POLN: variants seen among roughly 807,000 people sequenced by gnomAD.
POLN encodes the protein DNA polymerase nu, also known as DNA polymerase N.
In POLN, 108 loss-of-function variants were observed where a neutral mutation model predicts 113.5. The ratio of observed to expected loss-of-function variants is 0.95; its 90% CI spans 0.81 to 1.12. The LOEUF is 1.12. Among genes scored for constraint, POLN ranks in the 50% most tolerant of loss-of-function variants. The pLI, the probability that POLN is intolerant of heterozygous loss-of-function variation, is 0.00. For missense variants in POLN, 1,097 were observed against 1,077.1 expected, an observed-to-expected ratio of 1.02 and a Z score of -0.26; for synonymous variants, 386 against 391.5, an observed-to-expected ratio of 0.99 and a Z score of 0.17.
rs182565942 is a variant in POLN, at chr4:2,198,854, T to A, written c.715-137A>T. On this transcript the variant is annotated intron_variant, in intron 5 of 25. Transcript: ENST00000511885. ...AAATGAATAGTTTTTTAATGACAAT[T>A]GAGGGCCAAAAGCCAAACCCATGAC... is the stretch of plus-strand genomic sequence containing the variant. 3.2e-5 allele frequency: 29 copies of A among 896,030 alleles called. No individual in the cohort carries two copies. The East Asian group carries it at 7.6e-4, about 24-fold the overall frequency. The allele number at this position is 896,030 out of a possible 1,614,324, so 55.5% of individuals were successfully genotyped here.
intron 13 of POLN, among the ~76,000 whole-genome samples, chr4:2,165,289 C>A (rs998326214): frequency 3.3e-5 from 5 of 152,120 alleles, no homozygotes; most frequent in African/African-American, 1.2e-4. Context: ...ATGGAAGAAA[C>A]TTAAGTGCCT....
chr4:2,149,389 G>C (rs1212339809), intron 16 of POLN, among the ~76,000 whole-genome samples: 4 of 152,118 alleles, frequency 2.6e-5, no homozygotes, highest in Non-Finnish European at 5.9e-5. Flanking sequence ...ATCTACAAAA[G>C]CCAGGGGAAT....
chr4:2,195,016 T>C (rs1189269874), intron 6 of POLN, among the ~76,000 whole-genome samples: 1 of 152,150 alleles, frequency 6.6e-6, no homozygotes, highest in Non-Finnish European at 1.5e-5. Flanking sequence ...GAATAAGGTA[T>C]AACAAACGTA....
chr4:2,187,661 C>T (rs1258450968), intron 7 of POLN, among the ~76,000 whole-genome samples: 1 of 152,172 alleles, frequency 6.6e-6, no homozygotes, highest in Non-Finnish European at 1.5e-5. Context: ...TTACACTACA[C>T]ATATAATAAA....
intron 13 of POLN, among the ~76,000 whole-genome samples, chr4:2,164,501 CA>C (rs35463696): frequency 0.064 from 5,269 of 81,808 alleles, 224 homozygotes; most frequent in African/African-American, 0.16. Context: ...AACTCTGTCT[CA>C]AAAAAAAAAA....
At chr4:2,222,189 C>CA (rs1734275217) in intron 3 of POLN, among the ~76,000 whole-genome samples, 2 of 151,942 alleles carry the variant, frequency 1.3e-5, no homozygotes, top group African/African-American at 4.8e-5. Flanking sequence ...GTATTTCAAT[C>CA]AAGATTTAAA....
At chr4:2,125,230 G>A (rs1053207401) in intron 19 of POLN, among the ~76,000 whole-genome samples, 1 of 152,216 alleles carries the variant, frequency 6.6e-6, no homozygotes, top group Non-Finnish European at 1.5e-5. Flanking sequence ...TAGACATGTG[G>A]CGACTCCTGG....
chr4:2,218,692 G>T (rs1192184471), intron 3 of POLN, among the ~76,000 whole-genome samples: 1 of 152,140 alleles, frequency 6.6e-6, no homozygotes, highest in East Asian at 1.9e-4. Context: ...AATTTATATT[G>T]TCCATTCAGA....
chr4:2,236,771 G>C (rs1461658697), intron 2 of POLN, among the ~76,000 whole-genome samples: 2 of 151,868 alleles, frequency 1.3e-5, no homozygotes, highest in Admixed American at 1.3e-4. Context: ...GCTGAGGCAG[G>C]AGGATTGCTT....
intron 12 of POLN, 101 bp from the exon 13 acceptor site, chr4:2,170,875 C>A: frequency 9.2e-7 from 1 of 1,087,838 alleles, no homozygotes; most frequent in Non-Finnish European, 1.4e-6. Context: ...GAAGACACAC[C>A]CAAACAGACA....
intron 19 of POLN, among the ~76,000 whole-genome samples, chr4:2,110,611 C>A (rs990840666): frequency 6.6e-6 from 1 of 152,316 alleles, no homozygotes; most frequent in African/African-American, 2.4e-5. Context: ...ACTATAAACA[C>A]CTCTACGCAA....
intron 19 of POLN, among the ~76,000 whole-genome samples, chr4:2,100,025 G>C (rs1730885129): frequency 6.7e-6 from 1 of 148,268 alleles, no homozygotes; most frequent in Non-Finnish European, 1.5e-5. Context: ...AGCTGAGATT[G>C]TGCCACTGCA....
chr4:2,085,617 C>G lies in POLN; in HGVS notation c.2193G>C (p.Gln731His). ...FARAAIAQCHQTGCVVSIMGR... is the reference protein window; with the variant it reads ...FARAAIAQCHHTGCVVSIMGR... ...CTCTGGTTGTGGCCAACTCACCTGT[C>G]TGGTGACACTGGGCAATAGCTGCTC... Residue 731 changes from glutamine to histidine, a missense_variant, in exon 21 of 26, where the codon CAG becomes CAC. Gln to His is a conservative substitution (Grantham distance 24). Coordinates refer to ENST00000511885, the MANE Select transcript of POLN (RefSeq NM_181808.4). 1.9e-6 allele frequency: 3 copies of G among 1,613,962 alleles called. No individual in the cohort carries two copies. The highest frequency in any genetic ancestry group is 3.3e-5 in the Admixed American group (2 of 60,024).
chr4:2,094,762 T>G (rs918226926), intron 20 of POLN, among the ~76,000 whole-genome samples: 1 of 152,122 alleles, frequency 6.6e-6, no homozygotes, highest in Non-Finnish European at 1.5e-5. Flanking sequence ...TCCACAGTTT[T>G]GGGGCGGGGC....
At chr4:2,147,590 T>C (rs1379544007) in intron 16 of POLN, among the ~76,000 whole-genome samples, 1 of 149,728 alleles carries the variant, frequency 6.7e-6, no homozygotes, top group African/African-American at 2.5e-5. Context: ...CCAAATGATT[T>C]TGAGACACTG....
In POLN at chr4:2,159,249, C is replaced by T. The variant is rs935151056; in HGVS notation, c.1555-38G>A. ...ATAGATACTACCAATGTAATTCGTCCATTTTAACATTTTAAACACGTATTT... is the reference window on the plus strand; with the variant it reads ...ATAGATACTACCAATGTAATTCGTCTATTTTAACATTTTAAACACGTATTT... On this transcript the variant is annotated intron_variant, in intron 13 of 25. Transcript: ENST00000511885. The T allele has an allele frequency of 6.8e-6, 10 of 1,464,050 alleles. No individual in the cohort carries two copies. The South Asian group carries it at 1.1e-4, about 15-fold the overall frequency. 90.7% of individuals were successfully genotyped at this position (1,464,050 alleles called of 1,614,324 possible).
In POLN at chr4:2,167,082, G is replaced by A. The variant is rs561814097; in HGVS notation, c.1554+3597C>T. ...CAACGGTGTCTAACACAGAGCCAGGGCCACAATAGTGTTTGCTGAATAAAA... is the reference window on the plus strand; with the variant it reads ...CAACGGTGTCTAACACAGAGCCAGGACCACAATAGTGTTTGCTGAATAAAA... On this transcript the variant is annotated intron_variant, in intron 13 of 25. Transcript: ENST00000511885. Among the ~76,000 whole-genome samples the A allele has an allele frequency of 1.7e-4, 26 of 152,256 alleles. No individual in the cohort carries two copies. In the East Asian group the frequency reaches 3.3e-3, roughly 19 times the overall value.
At chr4:2,156,598 C>A in intron 16 of POLN, 190 bp downstream of exon 16, 1 of 658,402 alleles carries the variant, frequency 1.5e-6, no homozygotes, top group Non-Finnish European at 2.7e-6. Flanking sequence ...CTCAGCACTT[C>A]ATGAGAAGAG....
chr4:2,087,342 T>A (rs1348488681), intron 20 of POLN, among the ~76,000 whole-genome samples: 1 of 152,214 alleles, frequency 6.6e-6, no homozygotes, highest in African/African-American at 2.4e-5. Context: ...CCAACCACCA[T>A]CCTCACCTAG....
Sources: allele counts gnomAD v4.1 joint callset (sites outside exome capture counted in the v4.1 genomes callset), GRCh38; gene constraint gnomAD v4.1.1; transcripts MANE v1.5; gene names NCBI Gene and HGNC (gene_info 2026-07-23, HGNC 2026-07-21).